IDO2: variants seen among roughly 807,000 people sequenced by gnomAD.
IDO2 encodes indoleamine 2,3-dioxygenase 2.
IDO2 carries 46 observed loss-of-function variants against 45.1 expected under a neutral mutation model. The ratio of observed to expected loss-of-function variants is 1.02; its 90% CI spans 0.80 to 1.30. The LOEUF is 1.30. Ranked by LOEUF, IDO2 falls within the 50% of genes most tolerant of loss-of-function variation. The probability of loss-of-function intolerance (pLI) is 0.00; values close to 1 mark genes in which losing one functional copy is unlikely to be tolerated. For missense variants in IDO2, 544 were observed against 491.8 expected, an observed-to-expected ratio of 1.11 and a Z score of -1.00; for synonymous variants, 218 against 184.9, an observed-to-expected ratio of 1.18 and a Z score of -1.45.
chr8:39,935,428 GTT>G (rs1563420919), intron 1 of IDO2, among the ~76,000 whole-genome samples: 231 of 18,224 alleles, frequency 0.013, 1 homozygote, highest in African/African-American at 0.015. Context: ...TTTTCTGGTT[GTT>G]GTTGTTGTTG....
intron 8 of IDO2, among the ~76,000 whole-genome samples, chr8:39,992,200 T>C (rs1801946723): frequency 6.6e-6 from 1 of 152,156 alleles, no homozygotes; most frequent in South Asian, 2.1e-4. Flanking sequence ...TAGAATGTAG[T>C]ATAGGGGATA....
chr8:40,006,268 A>G (rs919116309), intron 9 of IDO2, among the ~76,000 whole-genome samples: 2 of 152,234 alleles, frequency 1.3e-5, no homozygotes, highest in African/African-American at 4.8e-5. Flanking sequence ...TTGGTACAGT[A>G]TTTAATAAAT....
chr8:40,012,064 C>T (rs1802318098), intron 9 of IDO2, among the ~76,000 whole-genome samples: 1 of 152,174 alleles, frequency 6.6e-6, no homozygotes, highest in Admixed American at 6.6e-5. Flanking sequence ...AACAACCTGG[C>T]TCCTTACAGC....
At chr8:39,967,653 A>C (rs2729483) in intron 3 of IDO2, among the ~76,000 whole-genome samples, 31,550 of 151,940 alleles carry the variant, frequency 0.21, 3,385 homozygotes, top group East Asian at 0.35. Context: ...ACACCCAGCT[A>C]ATTTTTGTAT....
chr8:40,005,983 T>C (rs1163733148), intron 9 of IDO2, among the ~76,000 whole-genome samples: 1 of 152,204 alleles, frequency 6.6e-6, no homozygotes, highest in Non-Finnish European at 1.5e-5. Flanking sequence ...GCTCCTTTTT[T>C]CTTCCATTCC....
intron 2 of IDO2, among the ~76,000 whole-genome samples, chr8:39,962,362 TCC>T (rs1808011769): frequency 6.6e-6 from 1 of 152,220 alleles, no homozygotes; most frequent in South Asian, 2.1e-4. Context: ...TTTAAAGGCT[TCC>T]TTATCTGACT....
intron 2 of IDO2, among the ~76,000 whole-genome samples, chr8:39,951,546 CT>C (rs1052010205): frequency 2.0e-5 from 3 of 152,194 alleles, no homozygotes; most frequent in African/African-American, 7.2e-5. Context: ...CAAACATCCC[CT>C]GACCCTCAAT....
intron 2 of IDO2, among the ~76,000 whole-genome samples, chr8:39,960,769 G>T (rs1807980557): frequency 6.6e-6 from 1 of 152,078 alleles, no homozygotes; most frequent in Non-Finnish European, 1.5e-5. Context: ...ATCCTCTACT[G>T]TCTTGACTTT....
intron 3 of IDO2, among the ~76,000 whole-genome samples, chr8:39,971,987 T>A (rs1342762628): frequency 6.6e-6 from 1 of 152,114 alleles, no homozygotes; most frequent in Non-Finnish European, 1.5e-5. Context: ...TTTTTGTATT[T>A]TTAGTAGAGA....
At chr8:39,961,090 C>G (rs923223295) in intron 2 of IDO2, among the ~76,000 whole-genome samples, 1 of 152,150 alleles carries the variant, frequency 6.6e-6, no homozygotes, top group African/African-American at 2.4e-5. Flanking sequence ...GCCCTACTGT[C>G]TTGACTTTTA....
intron 8 of IDO2, among the ~76,000 whole-genome samples, chr8:39,994,804 C>T (rs1455859866): frequency 6.6e-6 from 1 of 151,618 alleles, no homozygotes; most frequent in Admixed American, 6.6e-5. Flanking sequence ...TTAATATTAA[C>T]CATTTAAAAA....
At chr8:39,964,645 A>G (rs911492853) in intron 3 of IDO2, among the ~76,000 whole-genome samples, 2 of 152,258 alleles carry the variant, frequency 1.3e-5, no homozygotes, top group Admixed American at 1.3e-4. Context: ...GAACCTTGTA[A>G]AAGATGAGTA....
intron 1 of IDO2, among the ~76,000 whole-genome samples, chr8:39,942,406 G>A (rs1327190784): frequency 2.0e-5 from 3 of 152,318 alleles, no homozygotes; most frequent in Middle Eastern, 6.8e-3. Context: ...CATTTTGGGA[G>A]GTTGAGGCAG....
At chr8:39,938,545 A>G (rs1030721761) in intron 1 of IDO2, among the ~76,000 whole-genome samples, 2 of 148,524 alleles carry the variant, frequency 1.3e-5, no homozygotes, top group African/African-American at 4.8e-5. Context: ...AACTTTTTAT[A>G]TATAACACCA....
chr8:40,012,884 C>T (rs1802328460), intron 9 of IDO2, among the ~76,000 whole-genome samples: 1 of 152,164 alleles, frequency 6.6e-6, no homozygotes. Context: ...TCTGTGCTTC[C>T]TGCTGTTACT....
intron 3 of IDO2, among the ~76,000 whole-genome samples, chr8:39,966,156 GTA>G (rs1808081419): frequency 6.6e-6 from 1 of 150,752 alleles, no homozygotes; most frequent in African/African-American, 2.4e-5. Context: ...AGCCTCCTGA[GTA>G]GCTGGGACTA....
chr8:39,967,415 A>C (rs1808103578), intron 3 of IDO2, among the ~76,000 whole-genome samples: 1 of 152,250 alleles, frequency 6.6e-6, no homozygotes, highest in Non-Finnish European at 1.5e-5. Flanking sequence ...ATAGAAAACA[A>C]AAATGAAAAA....
chr8:40,006,265 A>G (rs2955883), intron 9 of IDO2, among the ~76,000 whole-genome samples: 20,190 of 152,284 alleles, frequency 0.13, 1,409 homozygotes, highest in Middle Eastern at 0.21. Context: ...CATTTGGTAC[A>G]GTATTTAATA....
chr8:40,015,246 GGT>G lies in IDO2; in HGVS notation c.870_871del (p.Asp291LeufsTer14). The G allele has an allele frequency of 6.4e-7, 1 of 1,559,630 alleles. No individual in the cohort carries two copies. Among genetic ancestry groups the G allele is most frequent in the Non-Finnish European group, 8.8e-7 (1 of 1,138,088 alleles). On this transcript the variant is annotated frameshift_variant and splice_region_variant, in exon 11 of 11. Transcript: ENST00000502986. LOFTEE classifies it high-confidence loss of function. Reference sequence around the variant, plus strand: ...ACGTTATGCTGTATTGTTTCTTTCAGGTGACTTTCTGTACAGAATGAGGGATT... The same window carrying G: ...ACGTTATGCTGTATTGTTTCTTTCAGGACTTTCTGTACAGAATGAGGGATT...
Sources: allele counts gnomAD v4.1 joint callset (sites outside exome capture counted in the v4.1 genomes callset), GRCh38; gene constraint gnomAD v4.1.1; transcripts MANE v1.5; gene names NCBI Gene and HGNC (gene_info 2026-07-23, HGNC 2026-07-21).